The following DNAAF4 variants were observed in gnomAD, a reference collection of about 807,000 sequenced individuals.
The protein encoded by DNAAF4 is dynein assembly factor 4, axonemal.
Under a neutral mutation model 51.8 loss-of-function variants are expected in DNAAF4, and 43 were observed. That is an observed-to-expected ratio of 0.83 (90% confidence interval 0.65 to 1.07). DNAAF4 has a LOEUF of 1.07. DNAAF4 is among the 50% of genes least tolerant of loss of function. The pLI is 0.00. For synonymous variants in DNAAF4, 194 were observed against 165.6 expected, an observed-to-expected ratio of 1.17 and a Z score of -1.32; for missense variants, 581 against 493.0, an observed-to-expected ratio of 1.18 and a Z score of -1.69.
intron 5 of DNAAF4, among the ~76,000 whole-genome samples, chr15:55,466,641 G>C (rs904422125): frequency 1.3e-5 from 2 of 152,062 alleles, no homozygotes; most frequent in African/African-American, 2.4e-5. Flanking sequence ...TTTTGGGCCT[G>C]AGTTAAGCAC....
chr15:55,501,260 C>T (rs1028551951), intron 1 of DNAAF4, among the ~76,000 whole-genome samples: 2 of 151,692 alleles, frequency 1.3e-5, no homozygotes, highest in Non-Finnish European at 2.9e-5. Context: ...GACGGGGTTT[C>T]ACCGTATTGG....
At chr15:55,484,509 ATT>A (rs2058459855) in intron 4 of DNAAF4, among the ~76,000 whole-genome samples, 1 of 151,426 alleles carries the variant, frequency 6.6e-6, no homozygotes, top group East Asian at 2.0e-4. Context: ...AAAAAACAGA[ATT>A]ACCATTACCA....
chr15:55,500,551 T>C (rs772130547), intron 1 of DNAAF4, among the ~76,000 whole-genome samples: 12 of 152,238 alleles, frequency 7.9e-5, no homozygotes, highest in Non-Finnish European at 1.3e-4. Context: ...GATAATAATG[T>C]AAAGGATACT....
downstream of DNAAF4, among the ~76,000 whole-genome samples, chr15:55,428,683 A>AG (rs2057456637): frequency 6.7e-6 from 1 of 149,424 alleles, no homozygotes; most frequent in South Asian, 2.1e-4. Context: ...TTTAGTGGAG[A>AG]GGGGGGTTTC....
intron 4 of DNAAF4, among the ~76,000 whole-genome samples, chr15:55,482,232 T>G (rs536999819): frequency 7.7e-6 from 1 of 129,120 alleles, no homozygotes; most frequent in African/African-American, 2.5e-5. Flanking sequence ...GGCAAAGATG[T>G]AAAAAAATTA....
intron 5 of DNAAF4, among the ~76,000 whole-genome samples, chr15:55,453,104 C>A (rs1264579088): frequency 6.6e-6 from 1 of 152,172 alleles, no homozygotes; most frequent in Non-Finnish European, 1.5e-5. Flanking sequence ...GGATTACAGG[C>A]ATGAGCCACC....
chr15:55,508,028 T>G (rs1268316328), intron 1 of DNAAF4, 94 bp downstream of exon 1: 2 of 152,126 alleles, frequency 1.3e-5, no homozygotes, highest in Non-Finnish European at 1.5e-5. Flanking sequence ...GCAATCTGTG[T>G]TTTATCCAGC....
In DNAAF4 at chr15:55,430,508, A is replaced by G. The variant is rs2057475990; in HGVS notation, c.*162T>C. 8.2e-7 allele frequency: 1 copy of G among 1,216,970 alleles called. No homozygotes were observed. 75.4% of individuals were successfully genotyped at this position (1,216,970 alleles called of 1,614,324 possible). ...GATTTACTTATTCAGAAATGATTCA[A>G]GTCAAACAGTTTATTTTCTATAGAT... is the stretch of plus-strand genomic sequence containing the variant. On this transcript the variant is annotated 3_prime_UTR_variant, in exon 10 of 10. Coordinates refer to ENST00000321149, the MANE Select transcript of DNAAF4 (RefSeq NM_130810.4).
intron 1 of DNAAF4, among the ~76,000 whole-genome samples, chr15:55,507,035 G>C (rs535899494): frequency 1.3e-5 from 2 of 152,052 alleles, no homozygotes; most frequent in Admixed American, 6.5e-5. Context: ...ATTTTTATTA[G>C]AGGTGGGGTT....
Position 55,498,508 on chromosome 15 carries a change from C to T in DNAAF4, c.-179G>A. 2 of 800,952 alleles carry T rather than the reference C, an allele frequency of 2.5e-6. No individual in the cohort carries two copies. Among genetic ancestry groups the T allele is most frequent in the Non-Finnish European group, 3.7e-6 (2 of 539,656 alleles). 49.6% of individuals were successfully genotyped at this position (800,952 alleles called of 1,614,324 possible). A position where few individuals can be genotyped will look rare whatever the true frequency, so the allele number is the denominator to read the frequency against. The stretch of plus-strand genomic sequence containing the variant: ...CTCCATGCGTGACTATCCAGGCGCC[C>T]AGACCAGAGAGTGATGCCGATTCTT... On this transcript the variant is annotated 5_prime_UTR_variant, in exon 2 of 10. Coordinates refer to ENST00000321149, the MANE Select transcript of DNAAF4 (RefSeq NM_130810.4).
At chr15:55,495,347 C>T (rs188545038) in intron 3 of DNAAF4, 2 of 151,502 alleles carry the variant, frequency 1.3e-5, no homozygotes, top group African/African-American at 4.8e-5. Flanking sequence ...AATTCCACTA[C>T]AAGATACCAA....
intron 4 of DNAAF4, among the ~76,000 whole-genome samples, chr15:55,474,132 T>C (rs773346408): frequency 1.3e-5 from 2 of 152,150 alleles, no homozygotes; most frequent in Non-Finnish European, 2.9e-5. Context: ...AATACAAATA[T>C]AGATTACAAG....
intron 5 of DNAAF4, among the ~76,000 whole-genome samples, chr15:55,463,172 T>TCTCACA (rs369642249): frequency 2.4e-4 from 33 of 140,284 alleles, no homozygotes; most frequent in African/African-American, 6.6e-4. Flanking sequence ...AGACTCTGTC[T>TCTCACA]CACACACACA....
chr15:55,504,408 T>C (rs750606685), intron 1 of DNAAF4, among the ~76,000 whole-genome samples: 1 of 152,070 alleles, frequency 6.6e-6, no homozygotes, highest in Non-Finnish European at 1.5e-5. Context: ...CTTCACAGAA[T>C]TGGAAAAAAC....
At chr15:55,499,161 C>T (rs2058678563) in intron 1 of DNAAF4, among the ~76,000 whole-genome samples, 2 of 152,064 alleles carry the variant, frequency 1.3e-5, no homozygotes, top group Non-Finnish European at 2.9e-5. Flanking sequence ...AAATGTGAAC[C>T]TGAAAGAGCC....
intron 1 of DNAAF4, among the ~76,000 whole-genome samples, chr15:55,506,804 A>C (rs75701522): frequency 6.6e-6 from 1 of 152,094 alleles, no homozygotes; most frequent in Non-Finnish European, 1.5e-5. Context: ...AAGTCAAATA[A>C]TATCCTCAAG....
chr15:55,470,394 G>C (rs1216528246), intron 4 of DNAAF4, among the ~76,000 whole-genome samples: 1 of 152,120 alleles, frequency 6.6e-6, no homozygotes, highest in African/African-American at 2.4e-5. Context: ...TCAGGAAGAG[G>C]CAAATGAAAG....
intron 1 of DNAAF4, among the ~76,000 whole-genome samples, chr15:55,506,304 G>A (rs2058726909): frequency 6.6e-6 from 1 of 152,164 alleles, no homozygotes; most frequent in African/African-American, 2.4e-5. Context: ...TTTATAACCA[G>A]CAATTCCACT....
intron 5 of DNAAF4, among the ~76,000 whole-genome samples, chr15:55,465,012 G>A (rs1335075190): frequency 4.6e-5 from 7 of 152,034 alleles, no homozygotes; most frequent in Non-Finnish European, 8.8e-5. Context: ...GCTCAACACC[G>A]CTAATTATTA....
Sources: gnomAD v4.1 joint callset for allele counts (sites outside exome capture counted in the v4.1 genomes callset) on GRCh38, gnomAD v4.1.1 for gene constraint, MANE v1.5 for transcripts, NCBI Gene and HGNC (gene_info 2026-07-23, HGNC 2026-07-21) for gene names.